Variants in LYZL2 observed in about 807,000 individuals in gnomAD.
The protein encoded by LYZL2 is lysozyme-like protein 2.
A neutral mutation model predicts 17.1 loss-of-function variants in LYZL2; 13 were observed. That is an observed-to-expected ratio of 0.76 (90% confidence interval 0.49 to 1.21). LYZL2 has a LOEUF of 1.21. Among genes scored for constraint, LYZL2 ranks in the 50% most tolerant of loss-of-function variants. The pLI is 0.00. For synonymous variants in LYZL2, 63 were observed against 74.4 expected, an observed-to-expected ratio of 0.85 and a Z score of 0.79; for missense variants, 166 against 189.2, an observed-to-expected ratio of 0.88 and a Z score of 0.72.
In LYZL2 at chr10:30,612,930, C is replaced by T. The variant is rs781642095; in HGVS notation, c.299-30G>A. 13 of 1,584,964 alleles carry T rather than the reference C, an allele frequency of 8.2e-6. No homozygotes were observed. The South Asian group carries it at 1.0e-4, about 12-fold the overall frequency. On this transcript the variant is annotated intron_variant, in intron 3 of 4. Coordinates refer to ENST00000647634, the MANE Select transcript of LYZL2 (RefSeq NM_183058.3). The stretch of plus-strand genomic sequence containing the variant: ...AAAAAGAGAGGTCATCAGGGTTAGG[C>T]GAGACTTTGTTGTTGGAGAGGGACC...
At chr10:30,608,643 C>G (rs1205926296), downstream of LYZL2, among the ~76,000 whole-genome samples, 1 of 152,176 alleles carries the variant, frequency 6.6e-6, no homozygotes, top group Admixed American at 6.5e-5. Context: ...CGATAGTTAC[C>G]CCTTCCGTAT....
Position 30,626,118 on chromosome 10 carries a change from G to A in LYZL2, c.285C>T (p.His95=), listed in dbSNP as rs1133366. The A allele has an allele frequency of 8.1e-5, 131 of 1,613,984 alleles. No homozygotes were observed. Among genetic ancestry groups the A allele is most frequent in the South Asian group, 1.1e-4 (10 of 91,070 alleles). The change falls in exon 3 of 5, where the codon CAC becomes CAT. Residue 95 remains histidine (H), a synonymous_variant. Transcript: ENST00000647634. ...TCAGAGCCTCACCTGAGCAGGCGAC[G>A]TGGCAGTGGTTGTTCTCCTTCAGCT... ...RGKLKENNHC[H]VACSALVTDD...
chr10:30,617,674 CAAAAA>C (rs1165550893), intron 3 of LYZL2, among the ~76,000 whole-genome samples: 19 of 50,208 alleles, frequency 3.8e-4, no homozygotes, highest in Middle Eastern at 0.024. Context: ...GACTCTGTCT[CAAAAA>C]AAAAAAAAAA....
At chr10:30,608,617 C>T (rs918748553), downstream of LYZL2, among the ~76,000 whole-genome samples, 6 of 152,138 alleles carry the variant, frequency 3.9e-5, no homozygotes, top group South Asian at 4.1e-4. Flanking sequence ...TCTGCTGTCG[C>T]GCTGTGGCCC....
chr10:30,626,041 G>T (rs1838695648), intron 3 of LYZL2, 64 bp downstream of exon 3: 2 of 1,566,978 alleles, frequency 1.3e-6, no homozygotes, highest in Non-Finnish European at 8.7e-7. Flanking sequence ...CATGGTTGGT[G>T]ATCCCATTGT....
At chr10:30,611,000 C>T (rs452843), downstream of LYZL2, among the ~76,000 whole-genome samples, 124,223 of 151,942 alleles carry the variant, frequency 0.82, 51,361 homozygotes, top group Middle Eastern at 0.91. Flanking sequence ...TTAAGGGGGT[C>T]CCGCCCCTCA....
chr10:30,613,895 T>C (rs1838487809), intron 3 of LYZL2, among the ~76,000 whole-genome samples: 1 of 152,088 alleles, frequency 6.6e-6, no homozygotes, highest in African/African-American at 2.4e-5. Flanking sequence ...TTTATTTTTA[T>C]TTTTGTAGAG....
chr10:30,612,963 A>C, intron 3 of LYZL2, 63 bp from the exon 4 acceptor site: 1 of 1,263,372 alleles, frequency 7.9e-7, no homozygotes, highest in Non-Finnish European at 1.1e-6. Context: ...ACCCCAACTC[A>C]AGTTTACTTC....
rs750893979 is a variant in LYZL2 at position 30,612,865 on chromosome 10, AG to A, written c.333del (p.Cys112ValfsTer12). ...LVTDDLTDAI[I>X]CAKKIVKETQ... ...GTCTCTTTAACAATTTTCTTGGCAC[AG>A]ATAATCGCATCTGTGAGGTCATCAG... On this transcript the variant is annotated frameshift_variant, in exon 4 of 5. Coordinates refer to ENST00000647634, the MANE Select transcript of LYZL2 (RefSeq NM_183058.3). LOFTEE classifies it high-confidence loss of function. 2 of 1,613,982 alleles carry A rather than the reference AG, an allele frequency of 1.2e-6. No individual in the cohort carries two copies. The highest frequency in any genetic ancestry group is 4.5e-5 in the East Asian group (2 of 44,882).
chr10:30,608,282 T>C (rs530775661), downstream of LYZL2, among the ~76,000 whole-genome samples: 8 of 152,330 alleles, frequency 5.3e-5, no homozygotes, highest in East Asian at 1.5e-3. Context: ...TGGTTTCTAG[T>C]TGGAAAAAGT....
intron 3 of LYZL2, among the ~76,000 whole-genome samples, chr10:30,615,963 T>C (rs389258): frequency 0.83 from 126,130 of 152,208 alleles, 52,924 homozygotes; most frequent in African/African-American, 0.92. Context: ...CCAATGCTTT[T>C]ATGTCTTTAC....
At chr10:30,611,248 G>A (rs1211781761), downstream of LYZL2, among the ~76,000 whole-genome samples, 1 of 151,850 alleles carries the variant, frequency 6.6e-6, no homozygotes, top group Non-Finnish European at 1.5e-5. Context: ...AGGGTGGGGT[G>A]CGATGGCTCA....
At chr10:30,626,542 T>A (rs1218246038) in intron 2 of LYZL2, among the ~76,000 whole-genome samples, 1 of 152,158 alleles carries the variant, frequency 6.6e-6, no homozygotes, top group Non-Finnish European at 1.5e-5. Context: ...TGGCATTATT[T>A]TCCCCTTCCC....
At chr10:30,616,621 A>G (rs1438292238) in intron 3 of LYZL2, among the ~76,000 whole-genome samples, 1 of 152,244 alleles carries the variant, frequency 6.6e-6, no homozygotes, top group Non-Finnish European at 1.5e-5. Context: ...ACTTTATTGA[A>G]ATCTTACTCT....
In LYZL2 at chr10:30,611,939, T is replaced by C. The variant is rs1336655301; in HGVS notation, c.*16A>G. On this transcript the variant is annotated 3_prime_UTR_variant, in exon 5 of 5. Transcript: ENST00000647634. ...CCTAGGGCGTTGCTGCAAAGCATCC[T>C]GGGTCCAGTTCCAGTTTAGGAAACC... 4 of 1,614,096 alleles carry C rather than the reference T, an allele frequency of 2.5e-6. No homozygotes were observed. In the African/African-American group the frequency reaches 4.0e-5, roughly 16 times the overall value.
At chr10:30,611,513 G>T (rs1588671925), downstream of LYZL2, among the ~76,000 whole-genome samples, 2 of 129,760 alleles carry the variant, frequency 1.5e-5, no homozygotes, top group African/African-American at 5.8e-5. Context: ...AAAAAAAAAG[G>T]AAGGAAGGAA....
downstream of LYZL2, among the ~76,000 whole-genome samples, chr10:30,608,143 C>G (rs989664075): frequency 6.6e-6 from 1 of 152,158 alleles, no homozygotes; most frequent in Non-Finnish European, 1.5e-5. Flanking sequence ...GGATCTTGCC[C>G]TGTTGCCCAG....
chr10:30,617,553 T>C (rs1423845101), intron 3 of LYZL2, among the ~76,000 whole-genome samples: 1 of 151,092 alleles, frequency 6.6e-6, no homozygotes, highest in Non-Finnish European at 1.5e-5. Context: ...CACACGCCTG[T>C]AATCCCAGCT....
At chr10:30,621,617 GA>G (rs1471504323) in intron 3 of LYZL2, among the ~76,000 whole-genome samples, 1 of 152,058 alleles carries the variant, frequency 6.6e-6, no homozygotes, top group Non-Finnish European at 1.5e-5. Context: ...ACTTGAGGTG[GA>G]AAAGAACTGT....
Sources: gnomAD v4.1 joint callset for allele counts (sites outside exome capture counted in the v4.1 genomes callset) on GRCh38, gnomAD v4.1.1 for gene constraint, MANE v1.5 for transcripts, NCBI Gene and HGNC (gene_info 2026-07-23, HGNC 2026-07-21) for gene names.